ZBTB20: variants seen among roughly 807,000 people sequenced by gnomAD.
The protein encoded by ZBTB20 is zinc finger and BTB domain containing 20.
A neutral mutation model predicts 56.9 loss-of-function variants in ZBTB20; 9 were observed. The ratio of observed to expected loss-of-function variants is 0.16; its 90% CI spans 0.10 to 0.28. ZBTB20 has a LOEUF of 0.28. Among genes scored for constraint, ZBTB20 ranks in the 10% least tolerant of loss-of-function variants. ZBTB20 has a pLI of 1.00. For synonymous variants in ZBTB20, 417 were observed against 420.7 expected (o/e 0.99, Z 0.11); for missense variants, 655 against 1,003.0 (o/e 0.65, Z 4.69).
chr3:114,700,558 A>T (rs1191024208), intron 5 of ZBTB20, among the ~76,000 whole-genome samples: 1 of 152,118 alleles, frequency 6.6e-6, no homozygotes, highest in Non-Finnish European at 1.5e-5. Flanking sequence ...CCACTACATC[A>T]GGACACCTTT....
At chr3:114,472,127 T>C (rs759835480) in intron 7 of ZBTB20, among the ~76,000 whole-genome samples, 17 of 152,212 alleles carry the variant, frequency 1.1e-4, no homozygotes, top group African/African-American at 3.1e-4. Flanking sequence ...TCTGCACTTA[T>C]GTCTAGAATT....
chr3:115,046,425 G>A (rs1381228003), intron 2 of ZBTB20, among the ~76,000 whole-genome samples: 1 of 152,080 alleles, frequency 6.6e-6, no homozygotes, highest in East Asian at 1.9e-4. Context: ...CCCAAAATGA[G>A]TAAACACATC....
At chr3:114,994,372 T>TAATC (rs1256464472) in intron 2 of ZBTB20, among the ~76,000 whole-genome samples, 1 of 152,058 alleles carries the variant, frequency 6.6e-6, no homozygotes, top group African/African-American at 2.4e-5. Context: ...AAGGAATGGA[T>TAATC]AATCGTAGCC....
rs542353809 is a variant in ZBTB20 at position 114,619,947 on chromosome 3, C to T, written c.-295+73581G>A. 8.5e-5 allele frequency among the ~76,000 whole-genome samples: 13 copies of T among 152,218 alleles called. No homozygotes were observed. The South Asian group carries it at 2.3e-3, about 27-fold the overall frequency. On this transcript the variant is annotated intron_variant, in intron 6 of 11. Coordinates refer to ENST00000675478, the MANE Select transcript of ZBTB20 (RefSeq NM_001348800.3). The stretch of plus-strand genomic sequence containing the variant: ...ATAACTGACATCAGCCTGACCTCCA[C>T]GGATGTGGAAGTTTGAGGAAAGGAA...
At chr3:114,720,183 A>G (rs191777720) in intron 5 of ZBTB20, among the ~76,000 whole-genome samples, 71 of 149,416 alleles carry the variant, frequency 4.8e-4, no homozygotes, top group African/African-American at 1.6e-3. Flanking sequence ...TTTTTCTTAT[A>G]CATCTAGTAC....
At chr3:114,601,116 T>C (rs1317813348) in intron 6 of ZBTB20, among the ~76,000 whole-genome samples, 4 of 152,070 alleles carry the variant, frequency 2.6e-5, no homozygotes, top group African/African-American at 9.7e-5. Context: ...AAAGCCTTAT[T>C]AACTGTGTTA....
At chr3:114,538,802 A>G (rs1290334624) in intron 6 of ZBTB20, among the ~76,000 whole-genome samples, 1 of 152,168 alleles carries the variant, frequency 6.6e-6, no homozygotes, top group African/African-American at 2.4e-5. Context: ...TGCTATGCAA[A>G]AAAAGCACAG....
chr3:114,769,373 T>C (rs2069012432), intron 5 of ZBTB20, among the ~76,000 whole-genome samples: 1 of 151,514 alleles, frequency 6.6e-6, no homozygotes, highest in Admixed American at 6.6e-5. Flanking sequence ...CATATATATA[T>C]TATATACACA....
intron 10 of ZBTB20, 43 bp from the exon 11 acceptor site, chr3:114,351,921 A>T (rs759791066): frequency 1.3e-6 from 2 of 1,556,152 alleles, no homozygotes; most frequent in Non-Finnish European, 1.7e-6. Flanking sequence ...CATGGGTCAG[A>T]TCTAGCTGGT....
intron 5 of ZBTB20, among the ~76,000 whole-genome samples, chr3:114,748,457 A>G (rs1160194631): frequency 6.7e-6 from 1 of 149,890 alleles, no homozygotes; most frequent in African/African-American, 2.5e-5. Flanking sequence ...ATTTCACTCT[A>G]AATTCCAGGA....
chr3:115,048,862 CTTCT>C (rs992427805), intron 2 of ZBTB20, among the ~76,000 whole-genome samples: 15 of 151,924 alleles, frequency 9.9e-5, no homozygotes, highest in Admixed American at 4.6e-4. Flanking sequence ...TTATTAAAGA[CTTCT>C]ATCTAAAAAA....
chr3:114,547,262 T>C (rs1577451525), intron 6 of ZBTB20, among the ~76,000 whole-genome samples: 1 of 152,092 alleles, frequency 6.6e-6, no homozygotes, highest in East Asian at 1.9e-4. Flanking sequence ...GAAAATTATG[T>C]GTGGGAGCAG....
intron 7 of ZBTB20, among the ~76,000 whole-genome samples, chr3:114,475,599 C>A (rs2040658129): frequency 1.3e-5 from 2 of 152,004 alleles, no homozygotes; most frequent in African/African-American, 4.8e-5. Context: ...ATCTTAGAGA[C>A]TTGCACAACA....
chr3:114,595,128 G>T (rs190852769), intron 6 of ZBTB20, among the ~76,000 whole-genome samples: 1 of 152,236 alleles, frequency 6.6e-6, no homozygotes, highest in East Asian at 1.9e-4. Flanking sequence ...AAGCCCTTGG[G>T]AAATTCATTT....
intron 3 of ZBTB20, among the ~76,000 whole-genome samples, chr3:114,920,887 T>C (rs1039710479): frequency 2.6e-5 from 4 of 152,084 alleles, no homozygotes; most frequent in African/African-American, 9.7e-5. Flanking sequence ...ATTTAAAATT[T>C]TGTAATGGAA....
chr3:115,087,740 G>A lies in ZBTB20; in HGVS notation c.-702-16326C>T, dbSNP rs891891954. On this transcript the variant is annotated intron_variant, in intron 1 of 11. Transcript: ENST00000675478. ...GTGATGCAAGGGTAATATAGTTTCA[G>A]GCACCAACTGCTTCCTGCATCCCTA... Among the ~76,000 whole-genome samples the A allele has an allele frequency of 2.0e-5, 3 of 152,002 alleles. No homozygotes were observed. The South Asian group carries it at 6.2e-4, about 32-fold the overall frequency.
intron 2 of ZBTB20, among the ~76,000 whole-genome samples, chr3:115,006,191 T>C (rs2108237545): frequency 6.6e-6 from 1 of 151,792 alleles, no homozygotes; most frequent in South Asian, 2.1e-4. Context: ...GCCCAGACCT[T>C]TGTTAGTTAC....
intron 4 of ZBTB20, among the ~76,000 whole-genome samples, chr3:114,873,469 C>G (rs1202603964): frequency 6.6e-6 from 1 of 152,124 alleles, no homozygotes; most frequent in African/African-American, 2.4e-5. Flanking sequence ...ATCCCAGTGA[C>G]ATTATAAATG....
At position 114,714,620 on chromosome 3, in the gene ZBTB20, T is replaced by C. The variant is rs1339291872; in HGVS notation, c.-342-21045A>G. Among the ~76,000 whole-genome samples, 3 of 152,202 alleles carry C rather than the reference T, an allele frequency of 2.0e-5. No individual in the cohort carries two copies. In the East Asian group the frequency reaches 5.8e-4, roughly 29 times the overall value. On this transcript the variant is annotated intron_variant, in intron 5 of 11. Transcript: ENST00000675478. ...CTTCTTCATCATCTTCTTTTCCATGTGTGCAATGTTGTGGCACCTATTAAC... is the reference window on the plus strand; with the variant it reads ...CTTCTTCATCATCTTCTTTTCCATGCGTGCAATGTTGTGGCACCTATTAAC...
Sources: gnomAD v4.1 joint callset for allele counts (sites outside exome capture counted in the v4.1 genomes callset) on GRCh38, gnomAD v4.1.1 for gene constraint, MANE v1.5 for transcripts, NCBI Gene and HGNC (gene_info 2026-07-23, HGNC 2026-07-21) for gene names.